COBL: variants seen among roughly 807,000 people sequenced by gnomAD.
COBL encodes the protein protein cordon-bleu.
Under a neutral mutation model 98.8 loss-of-function variants are expected in COBL, and 51 were observed. The observed-to-expected ratio is 0.52, with a 90% CI of 0.41 to 0.65. The LOEUF is 0.65. Among genes scored for constraint, COBL ranks in the 30% least tolerant of loss-of-function variants. COBL has a pLI of 0.00. For synonymous variants in COBL, 634 were observed against 651.7 expected (o/e 0.97, Z 0.41); for missense variants, 1,617 against 1,617.5 (o/e 1.00, Z 0.01).
At chr7:51,085,603 C>G (rs1423666039) in intron 6 of COBL, among the ~76,000 whole-genome samples, 1 of 152,200 alleles carries the variant, frequency 6.6e-6, no homozygotes, top group Non-Finnish European at 1.5e-5. Context: ...CCAGGCAAGT[C>G]TGGAGAGTTG....
intron 1 of COBL, among the ~76,000 whole-genome samples, chr7:51,228,786 G>A (rs1313414701): frequency 3.9e-5 from 6 of 152,076 alleles, no homozygotes; most frequent in Admixed American, 1.3e-4. Context: ...AGAGCCTGTC[G>A]GTGAGGATCA....
chr7:51,150,910 T>A (rs930101183), intron 5 of COBL, among the ~76,000 whole-genome samples: 1 of 152,240 alleles, frequency 6.6e-6, no homozygotes, highest in South Asian at 2.1e-4. Context: ...TCTTTTCAGA[T>A]GCTCAGTTGG....
rs370359333 is a variant in COBL at position 51,017,537 on chromosome 7, T to C, written c.*14A>G. The C allele has an allele frequency of 1.2e-6, 2 of 1,613,940 alleles. No individual in the cohort carries two copies. The highest frequency in any genetic ancestry group is 1.7e-6 in the Non-Finnish European group (2 of 1,179,814). Reference sequence around the variant, plus strand: ...TTACAGGTGGGTTTCTGCAATTCTCTGGCCTCTGTTCATTCACACGAGCAA... The same window carrying C: ...TTACAGGTGGGTTTCTGCAATTCTCCGGCCTCTGTTCATTCACACGAGCAA... On this transcript the variant is annotated 3_prime_UTR_variant, in exon 13 of 13. Coordinates refer to ENST00000265136, the MANE Select transcript of COBL (RefSeq NM_015198.5).
chr7:51,080,759 T>C (rs1269606858), intron 7 of COBL, among the ~76,000 whole-genome samples: 1 of 152,100 alleles, frequency 6.6e-6, no homozygotes, highest in Non-Finnish European at 1.5e-5. Flanking sequence ...CAGCCAAAAA[T>C]AGCCGGAAGT....
intron 6 of COBL, 64 bp downstream of exon 6, chr7:51,136,094 T>A: frequency 6.5e-7 from 1 of 1,550,064 alleles, no homozygotes; most frequent in South Asian, 1.2e-5. Flanking sequence ...CCCAGGGAGC[T>A]TTGGAACAAT....
At chr7:51,232,628 A>C (rs575272497) in intron 1 of COBL, among the ~76,000 whole-genome samples, 1 of 152,102 alleles carries the variant, frequency 6.6e-6, no homozygotes, top group East Asian at 1.9e-4. Flanking sequence ...TGGCTAACAC[A>C]GTGAAACCCT....
intron 1 of COBL, among the ~76,000 whole-genome samples, chr7:51,274,646 T>C (rs1342198937): frequency 6.6e-6 from 1 of 152,230 alleles, no homozygotes; most frequent in East Asian, 1.9e-4. Context: ...TTAAGCACAC[T>C]TTTGTGCGTA....
chr7:51,245,921 A>C (rs1319218243), intron 1 of COBL, among the ~76,000 whole-genome samples: 2 of 152,150 alleles, frequency 1.3e-5, no homozygotes, highest in Non-Finnish European at 2.9e-5. Flanking sequence ...AGTAACTTGA[A>C]ATTTTGTGAG....
chr7:51,057,333 T>C (rs201523631), intron 7 of COBL, among the ~76,000 whole-genome samples: 4 of 149,212 alleles, frequency 2.7e-5, no homozygotes, highest in Non-Finnish European at 4.5e-5. Context: ...CGCACACACA[T>C]ACACACACAC....
chr7:51,313,812 A>C lies in COBL; in HGVS notation c.41+2781T>G, dbSNP rs528704478. Among the ~76,000 whole-genome samples, 49 of 152,332 alleles carry C rather than the reference A, an allele frequency of 3.2e-4. No individual in the cohort carries two copies. The South Asian group carries it at 9.9e-3, about 31-fold the overall frequency. ...AAACAGATAAAGTAGAGAGTTAAAT[A>C]TACTTCAAAACCTCACCAAAAGGCA... On this transcript the variant is annotated intron_variant, in intron 1 of 12. Coordinates refer to ENST00000265136, the MANE Select transcript of COBL (RefSeq NM_015198.5).
At chr7:51,311,771 G>T (rs1803066614) in intron 1 of COBL, among the ~76,000 whole-genome samples, 1 of 151,968 alleles carries the variant, frequency 6.6e-6, no homozygotes, top group African/African-American at 2.4e-5. Context: ...TCATAAAAGT[G>T]TAAAAAGGCA....
chr7:51,082,975 A>C (rs1387283911), intron 7 of COBL: 79 of 1,342,244 alleles, frequency 5.9e-5, no homozygotes, highest in Non-Finnish European at 7.9e-5. Context: ...CAAGAATGGA[A>C]AATCTGGAAA....
intron 2 of COBL, among the ~76,000 whole-genome samples, chr7:51,204,465 T>G (rs1315219156): frequency 6.6e-6 from 1 of 151,942 alleles, no homozygotes; most frequent in Non-Finnish European, 1.5e-5. Flanking sequence ...CATAGAAAGC[T>G]CTGAAAACTC....
At chr7:51,177,787 T>A (rs984232188) in intron 5 of COBL, among the ~76,000 whole-genome samples, 6 of 145,174 alleles carry the variant, frequency 4.1e-5, no homozygotes, top group African/African-American at 8.0e-5. Context: ...AATAAATAAA[T>A]AAATAAATAA....
intron 5 of COBL, among the ~76,000 whole-genome samples, chr7:51,145,465 C>T (rs1285840022): frequency 6.6e-6 from 1 of 151,522 alleles, no homozygotes; most frequent in Non-Finnish European, 1.5e-5. Context: ...ACTGCAACCT[C>T]TACCTCCCGG....
In COBL at chr7:51,193,399, C is replaced by A; in HGVS notation, c.436G>T (p.Gly146Cys). 1.2e-6 allele frequency: 2 copies of A among 1,614,126 alleles called. No homozygotes were observed. Among genetic ancestry groups the A allele is most frequent in the East Asian group, 2.2e-5 (1 of 44,884 alleles). ...EKVPEEKVKPGPPKVPEKSVR... is the reference protein window; with the variant it reads ...EKVPEEKVKPCPPKVPEKSVR... ...CTAACCTCAGGCACCTTAGGGGGAC[C>A]AGGCTTAACCTTCTCTTCAGGAACT... The change falls in exon 3 of 13, where the codon GGT becomes TGT. Residue 146 changes from glycine (G) to cysteine (C), a missense_variant. By Grantham distance (159) the Gly-to-Cys change is radical (BLOSUM62 -3). This residue lies in a region of COBL where 238 missense variants were observed against 215.0 expected (regional missense o/e 1.11). Transcript: ENST00000265136.
chr7:51,160,133 C>T (rs1786642090), intron 5 of COBL, among the ~76,000 whole-genome samples: 1 of 152,120 alleles, frequency 6.6e-6, no homozygotes, highest in Admixed American at 6.5e-5. Context: ...CTCAGGTGAT[C>T]CACCCACCTC....
chr7:51,037,462 T>TTA (rs1042980144), intron 8 of COBL, among the ~76,000 whole-genome samples: 3 of 152,230 alleles, frequency 2.0e-5, no homozygotes, highest in African/African-American at 7.2e-5. Context: ...AGTGATTCTT[T>TTA]AACTATTAGG....
At chr7:51,035,299 A>G (rs1788528826) in intron 8 of COBL, 2 of 152,132 alleles carry the variant, frequency 1.3e-5, no homozygotes, top group African/African-American at 4.8e-5. Flanking sequence ...AATGTACAAG[A>G]TGGGTTCATA....
Sources: allele counts gnomAD v4.1 joint callset (sites outside exome capture counted in the v4.1 genomes callset), GRCh38; gene constraint gnomAD v4.1.1; regional missense constraint gnomAD v4.1.1; transcripts MANE v1.5; gene names NCBI Gene and HGNC (gene_info 2026-07-23, HGNC 2026-07-21).